Variants in EXOC3L4 observed in about 807,000 individuals in gnomAD.
The protein encoded by EXOC3L4 is exocyst complex component 3 like 4.
EXOC3L4 carries 62 observed loss-of-function variants against 69.7 expected under a neutral mutation model. That is an observed-to-expected ratio of 0.89 (90% CI 0.72 to 1.10). EXOC3L4 has a LOEUF of 1.10. EXOC3L4 is among the 50% of genes least tolerant of loss of function. EXOC3L4 has a pLI of 0.00. For missense variants in EXOC3L4, 1,087 were observed against 1,034.8 expected (o/e 1.05, Z -0.69); for synonymous variants, 502 against 464.2 (o/e 1.08, Z -1.05).
rs1890664271 is a variant in EXOC3L4, at chr14:103,107,930, GC to G, written c.1854+148del. The G allele has an allele frequency of 2.4e-6, 3 of 1,240,302 alleles. No homozygotes were observed. The East Asian group carries it at 7.7e-5, about 32-fold the overall frequency. 76.8% of individuals were successfully genotyped at this position (1,240,302 alleles called of 1,614,324 possible). A position where few individuals can be genotyped will look rare whatever the true frequency, so the allele number is the denominator to read the frequency against. On this transcript the variant is annotated intron_variant, in intron 10 of 11. Coordinates refer to ENST00000688303, the MANE Select transcript of EXOC3L4 (RefSeq NM_001077594.2). Reference sequence around the variant, plus strand: ...GAACAGGGACTGGGGCGCCTGTGGGGCTGGGGGGTGGAGGGAACCAGGTGGG... The same window carrying G: ...GAACAGGGACTGGGGCGCCTGTGGGGTGGGGGGTGGAGGGAACCAGGTGGG...
chr14:103,100,298 C>A lies in EXOC3L4; in HGVS notation c.79C>A (p.Gln27Lys), dbSNP rs1349924768. The change falls in exon 2 of 12, where the codon CAG becomes AAG. Residue 27 changes from glutamine (Q) to lysine (K), a missense_variant. By Grantham distance (53) the Gln-to-Lys change is moderately conservative. Coordinates refer to ENST00000688303, the MANE Select transcript of EXOC3L4 (RefSeq NM_001077594.2). Reference protein sequence around the residue: ...KEAEEPQTPAQGSRRTSSRKE... With the variant: ...KEAEEPQTPAKGSRRTSSRKE... ...GGCTGAGGAGCCACAGACTCCAGCT[C>A]AGGGCTCCCGGCGAACAAGCAGCAG... 6.3e-7 allele frequency: 1 copy of A among 1,582,170 alleles called. No homozygotes were observed. Among genetic ancestry groups the A allele is most frequent in the Non-Finnish European group, 8.6e-7 (1 of 1,163,244 alleles).
chr14:103,108,589 C>T (rs1890718288), intron 11 of EXOC3L4, 72 bp downstream of exon 11: 1 of 1,571,740 alleles, frequency 6.4e-7, no homozygotes, highest in Non-Finnish European at 8.6e-7. Context: ...ATTGGAGCAA[C>T]CCCAGCCCAG....
At position 103,104,263 on chromosome 14, in the gene EXOC3L4, C is replaced by G. The variant is rs368829433; in HGVS notation, c.1162-4C>G. 123 of 1,583,742 alleles carry G rather than the reference C, an allele frequency of 7.8e-5. No individual in the cohort carries two copies. The highest frequency in any genetic ancestry group is 9.7e-5 in the Non-Finnish European group (113 of 1,166,758). On this transcript the variant is annotated splice_polypyrimidine_tract_variant and splice_region_variant and intron_variant, in intron 4 of 11. Transcript: ENST00000688303. ...TCACCACGGCCCATCCCTTCTCCCC[C>G]CAGGCCAAGATCGCAAGCTGCTTCG...
chr14:103,109,899 T>A (rs1009060254), intron 11 of EXOC3L4, 132 bp from the exon 12 acceptor site: 10 of 1,007,172 alleles, frequency 9.9e-6, no homozygotes, highest in Non-Finnish European at 1.4e-5. Flanking sequence ...CCTCAGTCAA[T>A]CTGACCTCCC....
chr14:103,108,350 CG>C, intron 10 of EXOC3L4, 45 bp from the exon 11 acceptor site: 1 of 1,601,030 alleles, frequency 6.2e-7, no homozygotes, highest in East Asian at 2.2e-5. Context: ...GTTGGAGCAG[CG>C]GTGGGGAGAG....
rs769119664 is a variant in EXOC3L4 at position 103,104,041 on chromosome 14, A to G, written c.1150A>G (p.Ser384Gly). The change falls in exon 4 of 12, where the codon AGC becomes GGC. Residue 384 changes from serine (S) to glycine (G), a missense_variant. Physicochemically the swap from Ser to Gly is moderately conservative, Grantham distance 56 (BLOSUM62 0). Coordinates refer to ENST00000688303, the MANE Select transcript of EXOC3L4 (RefSeq NM_001077594.2). Reference protein sequence around the residue: ...VWARLESDYTSFLEAKIASCF... With the variant: ...VWARLESDYTGFLEAKIASCF... ...GGCCCGACTGGAGAGCGACTACACC[A>G]GCTTCCTGGAGGTCAGGCCGGGCGG... The G allele has an allele frequency of 8.8e-5, 138 of 1,571,878 alleles. No homozygotes were observed. The highest frequency in any genetic ancestry group is 3.2e-4 in the Admixed American group (18 of 55,944).
In EXOC3L4 at chr14:103,100,464, C is replaced by T. The variant is rs1483068497; in HGVS notation, c.245C>T (p.Ser82Phe). Reference protein sequence around the residue: ...DTGLFRRSSCSLFRSFRQALN... With the variant: ...DTGLFRRSSCFLFRSFRQALN... Reference sequence around the variant, plus strand: ...GGCCTGTTCCGGCGAAGCTCCTGCTCCCTGTTCCGGTCCTTCCGGCAAGCC... The same window carrying T: ...GGCCTGTTCCGGCGAAGCTCCTGCTTCCTGTTCCGGTCCTTCCGGCAAGCC... Residue 82 changes from serine (S) to phenylalanine (F), a missense_variant, in exon 2 of 12, where the codon TCC (serine) becomes TTC (phenylalanine). By Grantham distance (155) the Ser-to-Phe change is radical. Transcript: ENST00000688303. The T allele has an allele frequency of 1.9e-6, 3 of 1,613,448 alleles. No homozygotes were observed. The highest frequency in any genetic ancestry group is 1.7e-6 in the Non-Finnish European group (2 of 1,179,974).
Position 103,102,543 on chromosome 14 carries a change from G to A in EXOC3L4, c.820G>A (p.Gly274Ser). 1 of 1,424,176 alleles carries A rather than the reference G, an allele frequency of 7.0e-7. No individual in the cohort carries two copies. Among genetic ancestry groups the A allele is most frequent in the Non-Finnish European group, 9.2e-7 (1 of 1,091,738 alleles). The allele number at this position is 1,424,176 out of a possible 1,614,324, so 88.2% of individuals were successfully genotyped here. A position where few individuals can be genotyped will look rare whatever the true frequency, so the allele number is the denominator to read the frequency against. The change falls in exon 3 of 12, where the codon GGT (glycine) becomes AGT (serine). Residue 274 changes from glycine to serine, a missense_variant. Physicochemically the swap from Gly to Ser is moderately conservative, Grantham distance 56. Transcript: ENST00000688303. ...WAFGEAEGAS[G>S]LAQLLAELGG... ...CTTCGGGGAGGCGGAGGGCGCGTCGGGTTTGGCCCAGCTTCTGGCCGAGCT... is the reference window on the plus strand; with the variant it reads ...CTTCGGGGAGGCGGAGGGCGCGTCGAGTTTGGCCCAGCTTCTGGCCGAGCT...
intron 7 of EXOC3L4, 139 bp downstream of exon 7, chr14:103,105,211 T>C: frequency 1.2e-6 from 1 of 854,444 alleles, no homozygotes; most frequent in Non-Finnish European, 1.8e-6. Context: ...TGTCTGTGTG[T>C]TGGTGGATCT....
At chr14:103,100,927 G>T (rs1458072018) in intron 2 of EXOC3L4, among the ~76,000 whole-genome samples, 8 of 129,686 alleles carry the variant, frequency 6.2e-5, no homozygotes, top group Non-Finnish European at 1.3e-4. Context: ...TTTTGACACT[G>T]ACTCTCACTC....
intron 3 of EXOC3L4, among the ~76,000 whole-genome samples, chr14:103,103,354 C>CAAAAAAAAAAA (rs3070496): frequency 1.3e-4 from 12 of 94,820 alleles, no homozygotes; most frequent in East Asian, 3.3e-4. Context: ...GACTCTGTCT[C>CAAAAAAAAAAA]AAAAAAAAAA....
rs1422264881 is a variant in EXOC3L4, at chr14:103,108,520, G to A, written c.1976+3G>A. The A allele has an allele frequency of 6.2e-6, 10 of 1,612,696 alleles. No homozygotes were observed. Among genetic ancestry groups the A allele is most frequent in the Middle Eastern group, 3.3e-4 (2 of 6,076 alleles). ...ATCCGGAGCTACCCCGACATCAGGT[G>A]TGTACCCCACCTGCTTCCACTAGCT... On this transcript the variant is annotated splice_donor_region_variant and intron_variant, in intron 11 of 11. Transcript: ENST00000688303.
intron 3 of EXOC3L4, 148 bp from the exon 4 acceptor site, chr14:103,103,793 C>CGT (rs775120339): frequency 0.03 from 13,260 of 447,792 alleles, 24 homozygotes; most frequent in South Asian, 0.039. Flanking sequence ...TAGAGGCGCG[C>CGT]GCGCGTGTGT....
At chr14:103,094,547 C>G (rs952027504), upstream of EXOC3L4, among the ~76,000 whole-genome samples, 1 of 152,028 alleles carries the variant, frequency 6.6e-6, no homozygotes, top group South Asian at 2.1e-4. Flanking sequence ...TTCTCTGACC[C>G]TTGGACTGAG....
chr14:103,098,224 C>G (rs544438450), intron 1 of EXOC3L4, among the ~76,000 whole-genome samples: 14 of 152,212 alleles, frequency 9.2e-5, no homozygotes, highest in Middle Eastern at 3.4e-3. Flanking sequence ...ACCCGGCGCT[C>G]GTCTGGGCTT....
chr14:103,103,892 T>C, intron 3 of EXOC3L4, 49 bp from the exon 4 acceptor site: 1 of 1,349,790 alleles, frequency 7.4e-7, no homozygotes, highest in South Asian at 1.3e-5. Context: ...GGGCAGCGGC[T>C]GCCGCATCAG....
At chr14:103,103,280 G>A (rs1250264161) in intron 3 of EXOC3L4, among the ~76,000 whole-genome samples, 1 of 151,486 alleles carries the variant, frequency 6.6e-6, no homozygotes, top group African/African-American at 2.4e-5. Context: ...GCTTGAACCC[G>A]GGAGGCGGAG....
chr14:103,106,056 T>C (rs1890531164), intron 7 of EXOC3L4, among the ~76,000 whole-genome samples: 1 of 152,234 alleles, frequency 6.6e-6, no homozygotes, highest in Admixed American at 6.5e-5. Context: ...CACTTCTCAG[T>C]GCCAGGCACT....
At chr14:103,098,251 C>T (rs1178763298) in intron 1 of EXOC3L4, among the ~76,000 whole-genome samples, 1 of 152,078 alleles carries the variant, frequency 6.6e-6, no homozygotes, top group African/African-American at 2.4e-5. Flanking sequence ...AGAGAACCTC[C>T]ACATCTGACC....
Sources: gnomAD v4.1 joint callset for allele counts (sites outside exome capture counted in the v4.1 genomes callset) on GRCh38, gnomAD v4.1.1 for gene constraint, MANE v1.5 for transcripts, NCBI Gene and HGNC (gene_info 2026-07-23, HGNC 2026-07-21) for gene names.